Variants in ITIH6 observed in about 807,000 individuals in gnomAD.
ITIH6 encodes inter-alpha-trypsin inhibitor heavy chain H6.
In ITIH6, 60 loss-of-function variants were observed where a neutral mutation model predicts 58.2. The ratio of observed to expected loss-of-function variants is 1.03; its 90% confidence interval spans 0.84 to 1.28. The LOEUF (loss-of-function observed/expected upper bound fraction) is 1.28, where lower values mean the gene tolerates loss of function less well. Among genes scored for constraint, ITIH6 ranks in the 50% most tolerant of loss-of-function variants. The pLI is 0.00. For synonymous variants in ITIH6, 493 were observed against 417.4 expected, an observed-to-expected ratio of 1.18 and a Z score of -2.21; for missense variants, 1,290 against 1,021.1, an observed-to-expected ratio of 1.26 and a Z score of -3.59.
At chrX:54,789,490 T>TC (rs1929304926) in intron 4 of ITIH6, among the ~76,000 whole-genome samples, 1 of 111,522 alleles carries the variant, frequency 9.0e-6, no homozygotes, top group African/African-American at 3.3e-5. Flanking sequence ...TTCTGTTTTC[T>TC]CCCCCACAGG....
At chrX:54,768,688 A>G (rs1240033378) in intron 6 of ITIH6, among the ~76,000 whole-genome samples, 1 of 105,408 alleles carries the variant, frequency 9.5e-6, no homozygotes, top group African/African-American at 3.6e-5. Context: ...CTTTTCTTTA[A>G]GAATGTTGAA....
At chrX:54,765,581 C>T (rs1382983019) in intron 6 of ITIH6, among the ~76,000 whole-genome samples, 1 of 104,920 alleles carries the variant, frequency 9.5e-6, no homozygotes, top group African/African-American at 3.4e-5. Flanking sequence ...AGGTAAGCGG[C>T]ATTATTTCTT....
intron 6 of ITIH6, among the ~76,000 whole-genome samples, chrX:54,765,651 C>T (rs1165136989): frequency 1.2e-4 from 12 of 99,455 alleles, no homozygotes; most frequent in Admixed American, 4.5e-4. Context: ...GGCCAGACTG[C>T]GGACTGCAGT....
At chrX:54,752,964 A>G (rs1928396971) in intron 11 of ITIH6, among the ~76,000 whole-genome samples, 1 of 112,702 alleles carries the variant, frequency 8.9e-6, no homozygotes, top group Admixed American at 9.4e-5. Context: ...GGGCCAAAGC[A>G]TGATAATATC....
chrX:54,781,393 C>A (rs1363447897), intron 5 of ITIH6, among the ~76,000 whole-genome samples: 1 of 111,672 alleles, frequency 9.0e-6, no homozygotes, highest in Non-Finnish European at 1.9e-5. Context: ...AGAAAAAAAA[C>A]AAGCAGCCAC....
At chrX:54,775,246 C>G (rs1602061925) in intron 5 of ITIH6, among the ~76,000 whole-genome samples, 1 of 111,797 alleles carries the variant, frequency 8.9e-6, no homozygotes, top group East Asian at 2.8e-4. Context: ...ATACCTGGGC[C>G]GGTGAGTGCT....
chrX:54,774,261 G>A (rs1305834692), intron 5 of ITIH6, 64 bp from the exon 6 acceptor site: 1 of 570,873 alleles, frequency 1.8e-6, no homozygotes, highest in East Asian at 3.9e-5. Flanking sequence ...ATCTAAATCA[G>A]GTCCCCTCTT....
At chrX:54,755,668 G>A (rs1329450108) in intron 8 of ITIH6, among the ~76,000 whole-genome samples, 1 of 109,977 alleles carries the variant, frequency 9.1e-6, no homozygotes, top group Non-Finnish European at 1.9e-5. Context: ...AGAGACAGTA[G>A]CTTGAAAAAA....
chrX:54,762,605 C>T (rs1352665420), intron 6 of ITIH6, among the ~76,000 whole-genome samples: 1 of 112,216 alleles, frequency 8.9e-6, no homozygotes, highest in African/African-American at 3.2e-5. Context: ...ACTGTTCTTT[C>T]AGTTGCTCCT....
At position 54,774,204 on chromosome X, in the gene ITIH6, CAAAAAAA is replaced by C; in HGVS notation, c.787-14_787-8del. On this transcript the variant is annotated splice_region_variant and splice_polypyrimidine_tract_variant and intron_variant, in intron 5 of 12. Coordinates refer to ENST00000218436, the MANE Select transcript of ITIH6 (RefSeq NM_198510.3). The stretch of plus-strand genomic sequence containing the variant: ...TGAAATAGTCATCGTAAATCTGGAC[CAAAAAAA>C]AAAAAAAAAAAGTAGAACCAAGAAG... The C allele has an allele frequency of 4.9e-5, 29 of 597,208 alleles. No individual in the cohort carries two copies. The highest frequency in any genetic ancestry group is 1.9e-4 in the Admixed American group (4 of 20,907). The allele number at this position is 597,208 out of a possible 1,213,427, so 49.2% of individuals were successfully genotyped here.
chrX:54,765,339 C>T (rs1928750103), intron 6 of ITIH6, among the ~76,000 whole-genome samples: 1 of 71,868 alleles, frequency 1.4e-5, no homozygotes, highest in Non-Finnish European at 2.5e-5. Context: ...CTTGCCCACG[C>T]CTATGTCCTG....
intron 5 of ITIH6, among the ~76,000 whole-genome samples, chrX:54,785,642 A>T (rs1929229223): frequency 9.0e-6 from 1 of 111,723 alleles, no homozygotes; most frequent in Admixed American, 9.5e-5. Flanking sequence ...TTCCCCTGCG[A>T]TCTGCGACAG....
chrX:54,751,469 A>G (rs1928360443), intron 11 of ITIH6, 89 bp from the exon 12 acceptor site: 1 of 1,063,037 alleles, frequency 9.4e-7, no homozygotes, highest in Admixed American at 2.6e-5. Context: ...GAAGTAGTGC[A>G]GATTTGTGGC....
chrX:54,797,115 G>A lies in ITIH6; in HGVS notation c.103-19C>T, dbSNP rs1371009611. 4.2e-6 allele frequency: 5 copies of A among 1,199,468 alleles called. No homozygotes were observed. Among genetic ancestry groups the A allele is most frequent in the Non-Finnish European group, 4.5e-6 (4 of 887,711 alleles). On this transcript the variant is annotated intron_variant, in intron 1 of 12. Transcript: ENST00000218436. ...TTAACAACTGAGAGAGAAGACAGGA[G>A]GAGGTGTTTTAGGTAGACTATGTCC... is the stretch of plus-strand genomic sequence containing the variant.
intron 6 of ITIH6, 72 bp downstream of exon 6, chrX:54,774,009 T>C: frequency 3.2e-6 from 2 of 616,369 alleles, no homozygotes; most frequent in African/African-American, 4.5e-5. Flanking sequence ...CAGGGCCCCA[T>C]TGTTACCACG....
chrX:54,753,566 G>A (rs933322322), intron 11 of ITIH6, 85 bp downstream of exon 11: 1 of 633,808 alleles, frequency 1.6e-6, no homozygotes, highest in Non-Finnish European at 2.6e-6. Flanking sequence ...TATGTGTCTG[G>A]GGTATTAACC....
rs758034538 is a variant in ITIH6 at position 54,770,367 on chromosome X, C to T, written c.903+3714G>A. ...CGTCGCTCACGCTGGGAGCTGTAGA[C>T]CGGAGCTGTTCCTATTCGGCCATCT... On this transcript the variant is annotated intron_variant, in intron 6 of 12. Transcript: ENST00000218436. Among the ~76,000 whole-genome samples, 114 of 112,915 alleles carry T rather than the reference C, an allele frequency of 1.0e-3. 1 individual carries two copies. The highest frequency in any genetic ancestry group is 3.3e-3 in the African/African-American group (102 of 31,179).
intron 6 of ITIH6, among the ~76,000 whole-genome samples, chrX:54,763,277 G>T (rs1397240076): frequency 9.0e-6 from 1 of 111,203 alleles, no homozygotes; most frequent in African/African-American, 3.3e-5. Flanking sequence ...GTATATTCTG[G>T]GACAGGGAGC....
At chrX:54,783,333 A>G (rs1929181035) in intron 5 of ITIH6, among the ~76,000 whole-genome samples, 1 of 111,943 alleles carries the variant, frequency 8.9e-6, no homozygotes, top group Non-Finnish European at 1.9e-5. Flanking sequence ...TGGAAGGCCT[A>G]CCTAGAGCAA....
Sources: allele counts gnomAD v4.1 joint callset (sites outside exome capture counted in the v4.1 genomes callset), GRCh38; gene constraint gnomAD v4.1.1; transcripts MANE v1.5; gene names NCBI Gene and HGNC (gene_info 2026-07-23, HGNC 2026-07-21).